The following GRK3 variants were observed in gnomAD, a reference collection of about 807,000 sequenced individuals.
The protein encoded by GRK3 is G protein-coupled receptor kinase 3, also known as adrenergic, beta, receptor kinase 2.
Under a neutral mutation model 95.7 loss-of-function variants are expected in GRK3, and 54 were observed. The observed-to-expected ratio is 0.56, with a 90% confidence interval of 0.45 to 0.71. GRK3 has a LOEUF of 0.71. Among genes scored for constraint, GRK3 ranks in the 30% least tolerant of loss-of-function variants. The probability of loss-of-function intolerance (pLI) is 0.00; values close to 1 mark genes in which losing one functional copy is unlikely to be tolerated. For synonymous variants in GRK3, 281 were observed against 290.8 expected, an observed-to-expected ratio of 0.97 and a Z score of 0.34; for missense variants, 649 against 851.2, an observed-to-expected ratio of 0.76 and a Z score of 2.96.
chr22:25,670,881 C>CAAAAAAAA (rs71191074), intron 6 of GRK3, among the ~76,000 whole-genome samples: 14 of 65,660 alleles, frequency 2.1e-4, no homozygotes, highest in East Asian at 4.0e-4. Context: ...ACTAAAAATA[C>CAAAAAAAA]AAAAAAAAAA....
At chr22:25,683,777 T>C (rs1422053599) in intron 9 of GRK3, among the ~76,000 whole-genome samples, 1 of 152,182 alleles carries the variant, frequency 6.6e-6, no homozygotes, top group Non-Finnish European at 1.5e-5. Flanking sequence ...ATGAGTCCTT[T>C]GTGTATTTAT....
Position 25,635,594 on chromosome 22 carries a change from G to A in GRK3, c.191-8998G>A, listed in dbSNP as rs138980241. On this transcript the variant is annotated intron_variant, in intron 2 of 20. Coordinates refer to ENST00000324198, the MANE Select transcript of GRK3 (RefSeq NM_005160.4). ...TCCCTCAGCTTTCTTTTACTTTCTT[G>A]ACCTTAACATTTGTAAAGACACTTT... Among the ~76,000 whole-genome samples the A allele has an allele frequency of 3.6e-4, 55 of 151,912 alleles. No homozygotes were observed. In the South Asian group the frequency reaches 5.0e-3, roughly 14 times the overall value.
At position 25,644,217 on chromosome 22, in the gene GRK3, A is replaced by T. The variant is rs571183738; in HGVS notation, c.191-375A>T. Among the ~76,000 whole-genome samples, 20 of 149,452 alleles carry T rather than the reference A, an allele frequency of 1.3e-4. No individual in the cohort carries two copies. In the South Asian group the frequency reaches 4.1e-3, roughly 30 times the overall value. ...CATAGTGTTTATTAGTGTCTTGGTGATTCTCACCAACACATACTGTCTGTA... is the reference window on the plus strand; with the variant it reads ...CATAGTGTTTATTAGTGTCTTGGTGTTTCTCACCAACACATACTGTCTGTA... On this transcript the variant is annotated intron_variant, in intron 2 of 20. Coordinates refer to ENST00000324198, the MANE Select transcript of GRK3 (RefSeq NM_005160.4).
At chr22:25,593,898 A>G (rs551150591) in intron 1 of GRK3, among the ~76,000 whole-genome samples, 4 of 152,282 alleles carry the variant, frequency 2.6e-5, no homozygotes, top group Non-Finnish European at 5.9e-5. Context: ...TTTGTCAAAG[A>G]TCAGATAGCT....
At chr22:25,720,949 C>A (rs534307865) in intron 19 of GRK3, among the ~76,000 whole-genome samples, 1 of 152,288 alleles carries the variant, frequency 6.6e-6, no homozygotes, top group South Asian at 2.1e-4. Flanking sequence ...GTTGCTTCCT[C>A]ACAATGTTAT....
intron 6 of GRK3, 29 bp downstream of exon 6, chr22:25,667,829 A>T (rs1450307586): frequency 1.5e-6 from 2 of 1,351,296 alleles, no homozygotes; most frequent in East Asian, 4.6e-5. Context: ...ATATATACAC[A>T]ATTTTTTATC....
At chr22:25,655,984 C>T (rs2084868555) in intron 3 of GRK3, among the ~76,000 whole-genome samples, 1 of 152,164 alleles carries the variant, frequency 6.6e-6, no homozygotes, top group Non-Finnish European at 1.5e-5. Context: ...ACTCTGACTG[C>T]CTGGATTTCA....
At chr22:25,620,006 T>TTGTG (rs56260834) in intron 2 of GRK3, among the ~76,000 whole-genome samples, 6,650 of 90,014 alleles carry the variant, frequency 0.074, 274 homozygotes, top group Admixed American at 0.088. Context: ...TTTGTCTTTT[T>TTGTG]TGTGTGTGTG....
intron 1 of GRK3, among the ~76,000 whole-genome samples, chr22:25,596,129 A>G (rs149166361): frequency 4.6e-5 from 7 of 152,334 alleles, no homozygotes; most frequent in African/African-American, 1.7e-4. Flanking sequence ...GGAAAGTCAG[A>G]ATGGAATAGG....
intron 11 of GRK3, among the ~76,000 whole-genome samples, chr22:25,689,433 A>G (rs1260010245): frequency 1.3e-5 from 2 of 152,190 alleles, no homozygotes; most frequent in East Asian, 3.8e-4. Context: ...ATGATTATTC[A>G]TGCTTCAGTT....
chr22:25,609,815 T>C, intron 2 of GRK3, among the ~76,000 whole-genome samples: 1 of 151,842 alleles, frequency 6.6e-6, no homozygotes, highest in Non-Finnish European at 1.5e-5. Context: ...TGGTGTCTGA[T>C]ATATAGACAC....
chr22:25,656,974 C>T (rs1364173602), intron 3 of GRK3, among the ~76,000 whole-genome samples: 5 of 152,118 alleles, frequency 3.3e-5, no homozygotes, highest in African/African-American at 1.2e-4. Flanking sequence ...GTGGCCAAGA[C>T]AGAGCCCCTA....
intron 2 of GRK3, among the ~76,000 whole-genome samples, chr22:25,616,499 C>T (rs984558499): frequency 6.6e-6 from 1 of 152,138 alleles, no homozygotes; most frequent in African/African-American, 2.4e-5. Flanking sequence ...AATCCGTGCC[C>T]ATGACCCAGT....
At chr22:25,567,314 T>C (rs1306359313) in intron 1 of GRK3, among the ~76,000 whole-genome samples, 2 of 152,212 alleles carry the variant, frequency 1.3e-5, no homozygotes, top group Non-Finnish European at 2.9e-5. Flanking sequence ...AGTTTTGTAA[T>C]GTAGCTATTT....
In GRK3 at chr22:25,727,590, G is replaced by A. The variant is rs557614008; in HGVS notation, c.*5140G>A. The A allele has an allele frequency of 1.3e-5, 2 of 152,138 alleles. No homozygotes were observed. Among genetic ancestry groups the A allele is most frequent in the Non-Finnish European group, 2.9e-5 (2 of 68,024 alleles). The allele number at this position is 152,138 out of a possible 1,614,324, so 9.4% of individuals were successfully genotyped here. A position where few individuals can be genotyped will look rare whatever the true frequency, so the allele number is the denominator to read the frequency against. ...TACAGAAAATGGGTTAAGAGTATAC[G>A]CATTTCATCAAACACATATAGGGGA... On this transcript the variant is annotated 3_prime_UTR_variant, in exon 21 of 21. Coordinates refer to ENST00000324198, the MANE Select transcript of GRK3 (RefSeq NM_005160.4).
At chr22:25,623,537 T>C (rs1391760629) in intron 2 of GRK3, among the ~76,000 whole-genome samples, 1 of 152,246 alleles carries the variant, frequency 6.6e-6, no homozygotes, top group African/African-American at 2.4e-5. Context: ...TTGTTTCTAG[T>C]GTAATGTGTT....
chr22:25,588,720 T>C (rs1724662895), intron 1 of GRK3, among the ~76,000 whole-genome samples: 1 of 152,164 alleles, frequency 6.6e-6, no homozygotes, highest in African/African-American at 2.4e-5. Flanking sequence ...TTTGGTTTTC[T>C]TGAGGGTCAG....
chr22:25,717,508 C>T (rs1223879218), intron 18 of GRK3, among the ~76,000 whole-genome samples: 1 of 152,154 alleles, frequency 6.6e-6, no homozygotes, highest in African/African-American at 2.4e-5. Flanking sequence ...GTCTCTTGTT[C>T]TCTGCTGAAC....
At position 25,724,210 on chromosome 22, in the gene GRK3, T is replaced by C. The variant is rs1403289025; in HGVS notation, c.*1760T>C. 6.6e-6 allele frequency: 1 copy of C among 151,902 alleles called. No individual in the cohort carries two copies. The highest frequency in any genetic ancestry group is 2.4e-5 in the African/African-American group (1 of 41,304). 9.4% of individuals were successfully genotyped at this position (151,902 alleles called of 1,614,324 possible). A position where few individuals can be genotyped will look rare whatever the true frequency, so the allele number is the denominator to read the frequency against. The stretch of plus-strand genomic sequence containing the variant: ...TGAATGTCTTCCCAGCCCTGGTTAA[T>C]TATAGCTGTGACTGATGCCGTTCCC... On this transcript the variant is annotated 3_prime_UTR_variant, in exon 21 of 21. Transcript: ENST00000324198.
Sources: gnomAD v4.1 joint callset for allele counts (sites outside exome capture counted in the v4.1 genomes callset) on GRCh38, gnomAD v4.1.1 for gene constraint, MANE v1.5 for transcripts, NCBI Gene and HGNC (gene_info 2026-07-23, HGNC 2026-07-21) for gene names.